BBX: variants seen among roughly 807,000 people sequenced by gnomAD.
BBX encodes the protein BBX high mobility group box domain containing, also known as HMG box transcription factor BBX.
A neutral mutation model predicts 100.2 loss-of-function variants in BBX; 30 were observed. That is an observed-to-expected ratio of 0.30 (90% CI 0.22 to 0.41). BBX has a LOEUF of 0.41. Ranked by LOEUF, BBX falls within the 10% of genes least tolerant of loss-of-function variation. BBX has a pLI of 1.00. For missense variants in BBX, 1,023 were observed against 1,129.8 expected, an observed-to-expected ratio of 0.91 and a Z score of 1.35; for synonymous variants, 376 against 388.1, an observed-to-expected ratio of 0.97 and a Z score of 0.37.
intron 3 of BBX, among the ~76,000 whole-genome samples, chr3:107,654,947 G>A (rs971840819): frequency 6.6e-5 from 10 of 152,140 alleles, no homozygotes; most frequent in Non-Finnish European, 1.2e-4. Context: ...TAGGCAGCAA[G>A]TAAAAAATGA....
Position 107,773,197 on chromosome 3 carries a change from C to T in BBX, c.1476C>T (p.Ala492=), listed in dbSNP as rs374710862. 1.4e-5 allele frequency: 23 copies of T among 1,613,934 alleles called. No homozygotes were observed. The highest frequency in any genetic ancestry group is 6.7e-5 in the East Asian group (3 of 44,890). The part of the protein sequence containing the change: ...DIESVIYTIE[A]VAKGDWGIEK... ...AGAGCGTCATATATACCATTGAAGCCGTCGCAAAAGGAGACTGGGGCATAG... is the reference window on the plus strand; with the variant it reads ...AGAGCGTCATATATACCATTGAAGCTGTCGCAAAAGGAGACTGGGGCATAG... Residue 492 remains alanine, a synonymous_variant, in exon 11 of 18, where the codon GCC becomes GCT. Transcript: ENST00000325805. This position sits in a 1 kb window ranked among gnomAD's most constrained non-coding sequence, Gnocchi z 4.1.
intron 2 of BBX, among the ~76,000 whole-genome samples, chr3:107,601,687 G>A (rs1211898668): frequency 6.6e-6 from 1 of 152,232 alleles, no homozygotes; most frequent in Non-Finnish European, 1.5e-5. Context: ...AAGGAAAGAA[G>A]CTGTCTCTAT....
At chr3:107,633,512 A>G (rs2056672536) in intron 2 of BBX, among the ~76,000 whole-genome samples, 1 of 152,218 alleles carries the variant, frequency 6.6e-6, no homozygotes, top group Admixed American at 6.5e-5. Flanking sequence ...TAGAGCTGTC[A>G]TCTCTGGGCA....
In BBX at chr3:107,808,612, A is replaced by G. The variant is rs2071173110; in HGVS notation, c.*3155A>G. On this transcript the variant is annotated 3_prime_UTR_variant, in exon 18 of 18. Transcript: ENST00000325805. ...TGTAAGAAGCTGAGTGAAAGAAAAAATACTGTAAGACATCCTTAAAGTTTT... is the reference window on the plus strand; with the variant it reads ...TGTAAGAAGCTGAGTGAAAGAAAAAGTACTGTAAGACATCCTTAAAGTTTT... 1 of 152,218 alleles carries G rather than the reference A, an allele frequency of 6.6e-6. No individual in the cohort carries two copies. Among genetic ancestry groups the G allele is most frequent in the Non-Finnish European group, 1.5e-5 (1 of 68,036 alleles). The allele number at this position is 152,218 out of a possible 1,614,324, so 9.4% of individuals were successfully genotyped here. A position where few individuals can be genotyped will look rare whatever the true frequency, so the allele number is the denominator to read the frequency against.
chr3:107,665,999 A>T (rs1379593137), intron 3 of BBX, among the ~76,000 whole-genome samples: 1 of 152,132 alleles, frequency 6.6e-6, no homozygotes, highest in Non-Finnish European at 1.5e-5. Flanking sequence ...ACCTTCATGT[A>T]GTCTTTCCAT....
At chr3:107,665,366 T>C (rs2058681666) in intron 3 of BBX, among the ~76,000 whole-genome samples, 1 of 152,122 alleles carries the variant, frequency 6.6e-6, no homozygotes, top group African/African-American at 2.4e-5. Flanking sequence ...TTTTGAAAAA[T>C]TAGAGTGGTA....
chr3:107,575,388 A>G (rs2051697747), intron 2 of BBX, among the ~76,000 whole-genome samples: 1 of 152,168 alleles, frequency 6.6e-6, no homozygotes, highest in South Asian at 2.1e-4. Flanking sequence ...CAGTTTGATT[A>G]TTCAATGTTT....
chr3:107,672,574 G>A (rs2107927932), intron 3 of BBX, among the ~76,000 whole-genome samples: 1 of 152,030 alleles, frequency 6.6e-6, no homozygotes, highest in Non-Finnish European at 1.5e-5. Flanking sequence ...GCTGAAGTAG[G>A]GAATGGTAAA....
chr3:107,789,820 A>C lies in BBX; in HGVS notation c.2237A>C (p.His746Pro). 6.5e-7 allele frequency: 1 copy of C among 1,549,784 alleles called. No homozygotes were observed. Among genetic ancestry groups the C allele is most frequent in the Non-Finnish European group, 8.7e-7 (1 of 1,145,534 alleles). The change falls in exon 14 of 18, where the codon CAC becomes CCC. Residue 746 changes from histidine to proline, a missense_variant. Coordinates refer to ENST00000325805, the MANE Select transcript of BBX (RefSeq NM_001142568.3). Reference protein sequence around the residue: ...PFQSQKKNLFHKIVSKYKHKK... With the variant: ...PFQSQKKNLFPKIVSKYKHKK... Reference sequence around the variant, plus strand: ...CAGTCTCAGAAAAAGAACTTATTCCACAAAATTGTCAGCAAATATAAGCAC... The same window carrying C: ...CAGTCTCAGAAAAAGAACTTATTCCCCAAAATTGTCAGCAAATATAAGCAC...
At chr3:107,575,146 A>G (rs1247730535) in intron 2 of BBX, among the ~76,000 whole-genome samples, 1 of 152,174 alleles carries the variant, frequency 6.6e-6, no homozygotes, top group African/African-American at 2.4e-5. Context: ...TTTATGATAA[A>G]GTTTCTTGTA....
chr3:107,582,282 A>G (rs1259716539), intron 2 of BBX, among the ~76,000 whole-genome samples: 1 of 151,720 alleles, frequency 6.6e-6, no homozygotes, highest in Non-Finnish European at 1.5e-5. Context: ...CATATGGCAT[A>G]TGTGGAAGCT....
At chr3:107,694,158 C>T (rs1234369341) in intron 3 of BBX, among the ~76,000 whole-genome samples, 2 of 113,288 alleles carry the variant, frequency 1.8e-5, no homozygotes, top group African/African-American at 7.4e-5. Context: ...AATTTGACTT[C>T]CTCTTTTCCT....
intron 2 of BBX, among the ~76,000 whole-genome samples, chr3:107,579,501 G>A (rs1283840422): frequency 1.3e-5 from 2 of 152,202 alleles, no homozygotes; most frequent in African/African-American, 4.8e-5. Flanking sequence ...ATCACTGCTT[G>A]AAGGGTCTAA....
At chr3:107,638,726 G>A (rs2056996101) in intron 2 of BBX, among the ~76,000 whole-genome samples, 1 of 138,212 alleles carries the variant, frequency 7.2e-6, no homozygotes, top group Non-Finnish European at 1.6e-5. Flanking sequence ...CAAGATGCCA[G>A]CCTGGGTAAC....
chr3:107,607,344 G>A (rs1398231056), intron 2 of BBX, among the ~76,000 whole-genome samples: 1 of 152,176 alleles, frequency 6.6e-6, no homozygotes, highest in Non-Finnish European at 1.5e-5. Context: ...GCCTCCCAAA[G>A]TGCTGGGATT....
chr3:107,777,332 C>T (rs1204424589), intron 12 of BBX, among the ~76,000 whole-genome samples: 1 of 152,122 alleles, frequency 6.6e-6, no homozygotes, highest in Non-Finnish European at 1.5e-5. Context: ...TCATCTGACC[C>T]TCTTATCTCT....
intron 2 of BBX, among the ~76,000 whole-genome samples, chr3:107,623,962 A>T (rs955183889): frequency 6.6e-6 from 1 of 152,190 alleles, no homozygotes; most frequent in Non-Finnish European, 1.5e-5. Flanking sequence ...TGACTTTTAA[A>T]ACTCAAATGT....
intron 3 of BBX, among the ~76,000 whole-genome samples, chr3:107,698,634 A>G (rs1038418909): frequency 6.8e-6 from 1 of 147,362 alleles, no homozygotes; most frequent in Non-Finnish European, 1.5e-5. Flanking sequence ...CCTGGGTGAC[A>G]GAGCGAGACT....
chr3:107,665,634 C>T (rs2058699853), intron 3 of BBX, among the ~76,000 whole-genome samples: 1 of 152,072 alleles, frequency 6.6e-6, no homozygotes, highest in South Asian at 2.1e-4. Context: ...ATAAAAAATG[C>T]CTTTGGCTTC....
Sources: gnomAD v4.1 joint callset for allele counts (sites outside exome capture counted in the v4.1 genomes callset) on GRCh38, gnomAD v4.1.1 for gene constraint, Gnocchi (gnomAD v3.1) non-coding constraint, MANE v1.5 for transcripts, NCBI Gene and HGNC (gene_info 2026-07-23, HGNC 2026-07-21) for gene names.